KLHL26: variants seen among roughly 807,000 people sequenced by gnomAD.
KLHL26 encodes the protein kelch like family member 26.
In KLHL26, 4 loss-of-function variants were observed where a neutral mutation model predicts 7.1. The observed-to-expected ratio is 0.56, with a 90% CI of 0.28 to 1.28. KLHL26 has a LOEUF of 1.28. Ranked by LOEUF, KLHL26 falls within the 50% of genes most tolerant of loss-of-function variation. The pLI is 0.11. For missense variants in KLHL26, 896 were observed against 924.6 expected (o/e 0.97, Z 0.40); for synonymous variants, 465 against 414.1 (o/e 1.12, Z -1.49).
rs1332014965 is a variant in KLHL26 at position 18,649,892 on chromosome 19, T to C, written c.83+12755T>C. 2.0e-5 allele frequency among the ~76,000 whole-genome samples: 3 copies of C among 152,218 alleles called. No individual in the cohort carries two copies. The highest frequency in any genetic ancestry group is 4.4e-5 in the Non-Finnish European group (3 of 68,048). Reference sequence around the variant, plus strand: ...AGTGGATTTTGGTGCATGTCCAGCGTGATTTCAGACCCCTCACTGCGCAGC... The same window carrying C: ...AGTGGATTTTGGTGCATGTCCAGCGCGATTTCAGACCCCTCACTGCGCAGC... On this transcript the variant is annotated intron_variant, in intron 1 of 2. Coordinates refer to ENST00000300976, the MANE Select transcript of KLHL26 (RefSeq NM_018316.3). The surrounding 1 kb of genome is among the most constrained non-coding windows in gnomAD (Gnocchi z 4.0).
intron 1 of KLHL26, among the ~76,000 whole-genome samples, chr19:18,643,483 A>C (rs2145371997): frequency 6.6e-6 from 1 of 151,596 alleles, no homozygotes; most frequent in East Asian, 2.0e-4. Flanking sequence ...GGGTCTTATT[A>C]TTATTTTTTT....
rs1169038129 is a variant in KLHL26, at chr19:18,637,152, G to A, written c.83+15G>A. The A allele has an allele frequency of 2.3e-6, 3 of 1,326,054 alleles. No individual in the cohort carries two copies. Among genetic ancestry groups the A allele is most frequent in the South Asian group, 2.1e-5 (1 of 47,440 alleles). 82.1% of individuals were successfully genotyped at this position (1,326,054 alleles called of 1,614,324 possible). On this transcript the variant is annotated intron_variant, in intron 1 of 2. Coordinates refer to ENST00000300976, the MANE Select transcript of KLHL26 (RefSeq NM_018316.3). ...CGCCCGAACAGGTGAGACCCGGCCC[G>A]CAGGATAGACCTGCACCTGTCTTGG... is the stretch of plus-strand genomic sequence containing the variant.
intron 1 of KLHL26, among the ~76,000 whole-genome samples, chr19:18,647,339 G>A (rs1402007165): frequency 6.6e-6 from 1 of 152,178 alleles, no homozygotes; most frequent in East Asian, 1.9e-4. Flanking sequence ...GAGCCCCTGC[G>A]AATGTCATCC....
intron 1 of KLHL26, among the ~76,000 whole-genome samples, chr19:18,652,368 T>A (rs1264628709): frequency 6.6e-6 from 1 of 151,708 alleles, no homozygotes; most frequent in Non-Finnish European, 1.5e-5. Flanking sequence ...GGCGGGCAGA[T>A]CACCTGAGGC....
intron 1 of KLHL26, among the ~76,000 whole-genome samples, chr19:18,638,757 G>A (rs1345907187): frequency 6.6e-6 from 1 of 152,100 alleles, no homozygotes; most frequent in African/African-American, 2.4e-5. Flanking sequence ...CTGGAGTGCA[G>A]TGACGCCACC....
chr19:18,651,788 C>T (rs1331896546), intron 1 of KLHL26, among the ~76,000 whole-genome samples: 1 of 152,254 alleles, frequency 6.6e-6, no homozygotes, highest in African/African-American at 2.4e-5. Context: ...GGTTTCCAAG[C>T]GGTGCTCTGG....
intron 1 of KLHL26, among the ~76,000 whole-genome samples, chr19:18,660,339 G>T (rs2052379699): frequency 6.6e-6 from 1 of 152,232 alleles, no homozygotes; most frequent in Non-Finnish European, 1.5e-5. Context: ...CCACTCAGAG[G>T]CCAGATTCGG....
chr19:18,648,537 C>T lies in KLHL26; in HGVS notation c.83+11400C>T, dbSNP rs1374386469. Among the ~76,000 whole-genome samples, 2 of 152,198 alleles carry T rather than the reference C, an allele frequency of 1.3e-5. No homozygotes were observed. The highest frequency in any genetic ancestry group is 2.9e-5 in the Non-Finnish European group (2 of 68,028). On this transcript the variant is annotated intron_variant, in intron 1 of 2. Coordinates refer to ENST00000300976, the MANE Select transcript of KLHL26 (RefSeq NM_018316.3). This position sits in a 1 kb window ranked among gnomAD's most constrained non-coding sequence, Gnocchi z 4.9. ...AAGGTCAGGGTTGTCCTTGGTCCCG[C>T]GCGGCTGCACTGCCTGCAACAAGCA...
intron 1 of KLHL26, among the ~76,000 whole-genome samples, chr19:18,663,430 T>G (rs1324902926): frequency 6.6e-6 from 1 of 152,176 alleles, no homozygotes; most frequent in African/African-American, 2.4e-5. Flanking sequence ...ATGCCCACTG[T>G]GGTTTTGGGG....
At position 18,669,371 on chromosome 19, in the gene KLHL26, G is replaced by A. The variant is rs775017691; in HGVS notation, c.*126G>A. On this transcript the variant is annotated 3_prime_UTR_variant, in exon 3 of 3. Coordinates refer to ENST00000300976, the MANE Select transcript of KLHL26 (RefSeq NM_018316.3). ...GGGCTGCCCTTGAGGGGCCTGCTGC[G>A]TTGATAAGCCCCCCTCCCAGGGGTC... is the stretch of plus-strand genomic sequence containing the variant. 8.6e-6 allele frequency: 6 copies of A among 698,216 alleles called. No individual in the cohort carries two copies. The highest frequency in any genetic ancestry group is 5.3e-5 in the Admixed American group (2 of 37,608). 43.3% of individuals were successfully genotyped at this position (698,216 alleles called of 1,614,324 possible).
At chr19:18,655,264 C>T (rs1260594118) in intron 1 of KLHL26, among the ~76,000 whole-genome samples, 2 of 152,244 alleles carry the variant, frequency 1.3e-5, no homozygotes, top group African/African-American at 4.8e-5. Context: ...TCTTGCTCTT[C>T]CTGCTGTTCA....
chr19:18,646,819 T>G lies in KLHL26; in HGVS notation c.83+9682T>G, dbSNP rs928881351. ...AAAGGAGAGGGTGAACTTGAGCCAT[T>G]GGGAAGACAGTAGTGCCATGACTTG... On this transcript the variant is annotated intron_variant, in intron 1 of 2. Coordinates refer to ENST00000300976, the MANE Select transcript of KLHL26 (RefSeq NM_018316.3). This position sits in a 1 kb window ranked among gnomAD's most constrained non-coding sequence, Gnocchi z 5.0. Among the ~76,000 whole-genome samples, 22 of 152,110 alleles carry G rather than the reference T, an allele frequency of 1.4e-4. No individual in the cohort carries two copies. Among genetic ancestry groups the G allele is most frequent in the African/African-American group, 4.6e-4 (19 of 41,414 alleles).
At position 18,671,674 on chromosome 19, in the gene KLHL26, G is replaced by A. The variant is rs1020502229; in HGVS notation, c.*2429G>A. On this transcript the variant is annotated 3_prime_UTR_variant, in exon 3 of 3. Coordinates refer to ENST00000300976, the MANE Select transcript of KLHL26 (RefSeq NM_018316.3). ...CCCCAAGAAAGGAAAATTATTTTTCGTATTGTAAACTTTAAACATGAAAAA... is the reference window on the plus strand; with the variant it reads ...CCCCAAGAAAGGAAAATTATTTTTCATATTGTAAACTTTAAACATGAAAAA... 4.0e-5 allele frequency: 6 copies of A among 149,272 alleles called. No individual in the cohort carries two copies. Among genetic ancestry groups the A allele is most frequent in the Non-Finnish European group, 7.4e-5 (5 of 67,688 alleles). 9.2% of individuals were successfully genotyped at this position (149,272 alleles called of 1,614,324 possible). A position where few individuals can be genotyped will look rare whatever the true frequency, so the allele number is the denominator to read the frequency against.
intron 1 of KLHL26, among the ~76,000 whole-genome samples, chr19:18,655,096 G>A (rs1250355712): frequency 2.0e-5 from 3 of 152,240 alleles, no homozygotes; most frequent in East Asian, 3.8e-4. Context: ...TCAGGGAGGT[G>A]GGGTGGCTGA....
At chr19:18,657,780 A>G (rs913264789) in intron 1 of KLHL26, among the ~76,000 whole-genome samples, 2 of 152,126 alleles carry the variant, frequency 1.3e-5, no homozygotes, top group Non-Finnish European at 2.9e-5. Context: ...CCTTATCAGG[A>G]GGGATAACCC....
chr19:18,656,757 G>T lies in KLHL26; in HGVS notation c.84-7504G>T, dbSNP rs952309292. Among the ~76,000 whole-genome samples the T allele has an allele frequency of 5.3e-5, 8 of 151,648 alleles. No homozygotes were observed. Among genetic ancestry groups the T allele is most frequent in the African/African-American group, 1.7e-4 (7 of 41,250 alleles). On this transcript the variant is annotated intron_variant, in intron 1 of 2. Transcript: ENST00000300976. This position sits in a 1 kb window ranked among gnomAD's most constrained non-coding sequence, Gnocchi z 4.4. ...TGGGTGGGGAGGCCGCGAGGTTAGG[G>T]TGGCTCTGACCCTGCCTGGCCTGCC...
chr19:18,637,160 G>A (rs1976634165), intron 1 of KLHL26, 23 bp downstream of exon 1: 1 of 1,300,292 alleles, frequency 7.7e-7, no homozygotes, highest in African/African-American at 1.5e-5. Flanking sequence ...CCGCAGGATA[G>A]ACCTGCACCT....
chr19:18,656,017 C>T lies in KLHL26; in HGVS notation c.84-8244C>T, dbSNP rs1169349372. ...GCCACACGTATCCATCATCCACCCA[C>T]CCATGCCTCCAGCCTCCTTCCTCAT... On this transcript the variant is annotated intron_variant, in intron 1 of 2. Coordinates refer to ENST00000300976, the MANE Select transcript of KLHL26 (RefSeq NM_018316.3). This position sits in a 1 kb window ranked among gnomAD's most constrained non-coding sequence, Gnocchi z 4.4. Among the ~76,000 whole-genome samples, 2 of 152,172 alleles carry T rather than the reference C, an allele frequency of 1.3e-5. No homozygotes were observed. Among genetic ancestry groups the T allele is most frequent in the African/African-American group, 4.8e-5 (2 of 41,432 alleles).
In KLHL26 at chr19:18,669,989, C is replaced by T. The variant is rs3795027; in HGVS notation, c.*744C>T. On this transcript the variant is annotated 3_prime_UTR_variant, in exon 3 of 3. Coordinates refer to ENST00000300976, the MANE Select transcript of KLHL26 (RefSeq NM_018316.3). ...CACTGAGCATCTTGTGGGGCCTTAA[C>T]TGGCTGAGACATCCCGGCCCTCTAC... The T allele has an allele frequency of 0.18, 27,217 of 152,324 alleles. 2,533 individuals are homozygous for T. The highest frequency in any genetic ancestry group is 0.22 in the Non-Finnish European group (14,641 of 68,046). The allele number at this position is 152,324 out of a possible 1,614,324, so 9.4% of individuals were successfully genotyped here.
Sources: gnomAD v4.1 joint callset for allele counts (sites outside exome capture counted in the v4.1 genomes callset) on GRCh38, gnomAD v4.1.1 for gene constraint, Gnocchi (gnomAD v3.1) non-coding constraint, MANE v1.5 for transcripts, NCBI Gene and HGNC (gene_info 2026-07-23, HGNC 2026-07-21) for gene names.